Variants in KLHL14 observed in about 807,000 individuals in gnomAD.
The protein encoded by KLHL14 is kelch-like protein 14.
Under a neutral mutation model 64.3 loss-of-function variants are expected in KLHL14, and 22 were observed. The ratio of observed to expected loss-of-function variants is 0.34; its 90% CI spans 0.24 to 0.49. The LOEUF (loss-of-function observed/expected upper bound fraction) is 0.49, where lower values mean the gene tolerates loss of function less well. Ranked by LOEUF, KLHL14 falls within the 20% of genes least tolerant of loss-of-function variation. The pLI is 0.99. For synonymous variants in KLHL14, 322 were observed against 333.4 expected, an observed-to-expected ratio of 0.97 and a Z score of 0.37; for missense variants, 661 against 789.0, an observed-to-expected ratio of 0.84 and a Z score of 1.94.
intron 2 of KLHL14, among the ~76,000 whole-genome samples, chr18:32,752,589 T>C (rs948462809): frequency 1.8e-4 from 27 of 152,326 alleles, no homozygotes; most frequent in African/African-American, 6.3e-4. Flanking sequence ...TCTTATAGAA[T>C]AGGAGCCTAC....
At chr18:32,772,115 G>A in intron 1 of KLHL14, 1 of 161,410 alleles carries the variant, frequency 6.2e-6, no homozygotes. Context: ...CCGGCCCGCC[G>A]GCCCGCCCGC....
At chr18:32,711,845 A>G (rs1249352229) in intron 3 of KLHL14, among the ~76,000 whole-genome samples, 1 of 152,180 alleles carries the variant, frequency 6.6e-6, no homozygotes, top group Non-Finnish European at 1.5e-5. Flanking sequence ...TCGTAGTTGT[A>G]TAGCTGAACC....
intron 2 of KLHL14, among the ~76,000 whole-genome samples, chr18:32,750,448 A>G (rs796401525): frequency 7.9e-5 from 12 of 152,312 alleles, no homozygotes; most frequent in African/African-American, 2.6e-4. Context: ...TGGAGTTTTT[A>G]TTGCTTAGAA....
intron 7 of KLHL14, among the ~76,000 whole-genome samples, chr18:32,679,432 C>A (rs2049827159): frequency 6.6e-6 from 1 of 152,120 alleles, no homozygotes; most frequent in Admixed American, 6.5e-5. Context: ...AGAGCAGTTT[C>A]TTCATCTTCA....
chr18:32,722,791 C>G (rs1204499005), intron 3 of KLHL14, among the ~76,000 whole-genome samples: 1 of 152,132 alleles, frequency 6.6e-6, no homozygotes, highest in Non-Finnish European at 1.5e-5. Flanking sequence ...GAGACCCTGT[C>G]TCACAATTAA....
intron 3 of KLHL14, among the ~76,000 whole-genome samples, chr18:32,716,142 G>A (rs565645068): frequency 5.9e-5 from 9 of 152,244 alleles, no homozygotes; most frequent in Middle Eastern, 3.4e-3. Context: ...AATGATAAAT[G>A]ATGACTATAT....
In KLHL14 at chr18:32,715,578, T is replaced by C. The variant is rs560655219; in HGVS notation, c.1070-20026A>G. ...TCACTTTTTTATATAATAAATTGTT[T>C]TAAGTTAGGAGCAAACATTTTAATG... On this transcript the variant is annotated intron_variant, in intron 3 of 8. Coordinates refer to ENST00000359358, the MANE Select transcript of KLHL14 (RefSeq NM_020805.3). 6.6e-5 allele frequency among the ~76,000 whole-genome samples: 10 copies of C among 152,272 alleles called. No individual in the cohort carries two copies. In the South Asian group the frequency reaches 8.3e-4, roughly 13 times the overall value.
intron 3 of KLHL14, among the ~76,000 whole-genome samples, chr18:32,704,137 C>T (rs987270370): frequency 7.2e-5 from 11 of 152,118 alleles, no homozygotes; most frequent in Non-Finnish European, 1.6e-4. Flanking sequence ...ATTATTTAAG[C>T]ATTTGATAAT....
chr18:32,690,932 GA>G (rs1568065767), intron 4 of KLHL14, among the ~76,000 whole-genome samples: 1 of 152,112 alleles, frequency 6.6e-6, no homozygotes, highest in African/African-American at 2.4e-5. Context: ...ATAAGAGTAC[GA>G]GGGGGAAAGG....
At chr18:32,678,805 T>C (rs1471577117) in intron 7 of KLHL14, among the ~76,000 whole-genome samples, 2 of 152,188 alleles carry the variant, frequency 1.3e-5, no homozygotes, top group East Asian at 3.8e-4. Context: ...CTCACCATGA[T>C]GCCTCCTTGA....
intron 2 of KLHL14, among the ~76,000 whole-genome samples, chr18:32,759,809 A>G (rs984069856): frequency 2.6e-5 from 4 of 152,138 alleles, no homozygotes; most frequent in African/African-American, 9.7e-5. Flanking sequence ...CAGTTGCTAT[A>G]GTAACCAATC....
intron 3 of KLHL14, among the ~76,000 whole-genome samples, chr18:32,714,710 A>G (rs1039143): frequency 0.24 from 36,605 of 151,916 alleles, 4,613 homozygotes; most frequent in Middle Eastern, 0.32. Context: ...CCTTTCGTTA[A>G]CTGCAGCAAT....
intron 7 of KLHL14, among the ~76,000 whole-genome samples, chr18:32,678,540 T>C (rs2049822302): frequency 6.6e-6 from 1 of 152,192 alleles, no homozygotes; most frequent in Non-Finnish European, 1.5e-5. Flanking sequence ...TTATAATTTT[T>C]GAAGCATATA....
chr18:32,764,429 T>C (rs2050330139), intron 2 of KLHL14, among the ~76,000 whole-genome samples: 1 of 152,156 alleles, frequency 6.6e-6, no homozygotes, highest in Non-Finnish European at 1.5e-5. Flanking sequence ...TCTTTCCAAA[T>C]GGAAGGATGA....
At chr18:32,734,365 T>C (rs1222928748) in intron 3 of KLHL14, 1 of 652,648 alleles carries the variant, frequency 1.5e-6, no homozygotes, top group East Asian at 2.7e-5. Context: ...CATGCCTGGA[T>C]CCCTGAATGA....
chr18:32,770,641 G>T lies in KLHL14; in HGVS notation c.-43-7C>A. ...CTTTAAACCCTCCTCCAACCTGGCAGACAGGGGTGGGGGATGGGAGGGAGG... is the reference window on the plus strand; with the variant it reads ...CTTTAAACCCTCCTCCAACCTGGCATACAGGGGTGGGGGATGGGAGGGAGG... On this transcript the variant is annotated splice_region_variant and splice_polypyrimidine_tract_variant and intron_variant, in intron 1 of 8. Coordinates refer to ENST00000359358, the MANE Select transcript of KLHL14 (RefSeq NM_020805.3). The surrounding 1 kb of genome is among the most constrained non-coding windows in gnomAD (Gnocchi z 6.7). The T allele has an allele frequency of 1.2e-6, 1 of 819,120 alleles. No individual in the cohort carries two copies. The highest frequency in any genetic ancestry group is 1.7e-5 in the South Asian group (1 of 57,746). 50.7% of individuals were successfully genotyped at this position (819,120 alleles called of 1,614,324 possible). A position where few individuals can be genotyped will look rare whatever the true frequency, so the allele number is the denominator to read the frequency against.
intron 4 of KLHL14, among the ~76,000 whole-genome samples, chr18:32,687,930 AT>A (rs1261223878): frequency 1.3e-5 from 2 of 152,102 alleles, no homozygotes; most frequent in African/African-American, 4.8e-5. Flanking sequence ...CTGTGTGTGT[AT>A]TTGGGGGGAG....
chr18:32,685,932 A>G (rs989149122), intron 5 of KLHL14, among the ~76,000 whole-genome samples: 1 of 152,138 alleles, frequency 6.6e-6, no homozygotes, highest in Non-Finnish European at 1.5e-5. Context: ...TAAATGTTAT[A>G]AAAAGAGAGA....
chr18:32,705,861 C>A (rs1333195519), intron 3 of KLHL14, among the ~76,000 whole-genome samples: 2 of 152,186 alleles, frequency 1.3e-5, no homozygotes, highest in African/African-American at 4.8e-5. Flanking sequence ...GACAGCGGGC[C>A]TGCTCTACCT....
Sources: gnomAD v4.1 joint callset for allele counts (sites outside exome capture counted in the v4.1 genomes callset) on GRCh38, gnomAD v4.1.1 for gene constraint, Gnocchi (gnomAD v3.1) non-coding constraint, MANE v1.5 for transcripts, NCBI Gene and HGNC (gene_info 2026-07-23, HGNC 2026-07-21) for gene names.